Variants in PCDHAC1 observed in about 807,000 individuals in gnomAD.
The protein encoded by PCDHAC1 is protocadherin alpha subfamily C, 1, also known as protocadherin alpha-C1.
In PCDHAC1, 42 loss-of-function variants were observed where a neutral mutation model predicts 60.0. The observed-to-expected ratio is 0.70, with a 90% CI of 0.55 to 0.90. The LOEUF is 0.90. Among genes scored for constraint, PCDHAC1 ranks in the 40% least tolerant of loss-of-function variants. The pLI is 0.00. For missense variants in PCDHAC1, 1,160 were observed against 1,222.3 expected (o/e 0.95, Z 0.76); for synonymous variants, 468 against 499.3 (o/e 0.94, Z 0.84).
chr5:140,950,944 T>C (rs2094535037), intron 1 of PCDHAC1, among the ~76,000 whole-genome samples: 1 of 152,090 alleles, frequency 6.6e-6, no homozygotes, highest in Admixed American at 6.5e-5. Flanking sequence ...TCAGATTGGA[T>C]CATTTCTATT....
Position 140,928,889 on chromosome 5 carries a change from A to T in PCDHAC1, c.1997A>T (p.Asp666Val). The T allele has an allele frequency of 1.2e-6, 2 of 1,614,118 alleles. No individual in the cohort carries two copies. Among genetic ancestry groups the T allele is most frequent in the Non-Finnish European group, 1.7e-6 (2 of 1,180,026 alleles). Residue 666 changes from aspartate (D) to valine (V), a missense_variant, in exon 1 of 4, where the codon GAC becomes GTC. Around this residue, in one of 3 missense-constraint regions of PCDHAC1, gnomAD observed 1,113 missense variants for 1,163.7 expected, o/e 0.96. Coordinates refer to ENST00000253807, the MANE Select transcript of PCDHAC1 (RefSeq NM_018898.5). ...AACTCTGTCCCTCAGTTACTTCCAG[A>T]CTTTGAAGATGTCTGGGAACCAGGA... is the stretch of plus-strand genomic sequence containing the variant. The part of the protein sequence containing the change: ...LSNSVPQLLP[D>V]FEDVWEPGGQ...
chr5:140,939,798 C>A (rs2092461303), intron 1 of PCDHAC1, among the ~76,000 whole-genome samples: 1 of 152,138 alleles, frequency 6.6e-6, no homozygotes, highest in African/African-American at 2.4e-5. Flanking sequence ...TATAAATGTT[C>A]TGCATGTTCA....
intron 1 of PCDHAC1, among the ~76,000 whole-genome samples, chr5:140,956,166 C>T (rs180917985): frequency 7.2e-5 from 11 of 152,232 alleles, no homozygotes; most frequent in Non-Finnish European, 1.5e-4. Flanking sequence ...TTGCCATAGC[C>T]AGAACTTCCA....
Position 140,929,046 on chromosome 5 carries a change from C to T in PCDHAC1, c.2154C>T (p.Cys718=). The change falls in exon 1 of 4, where the codon TGC becomes TGT. Residue 718 remains cysteine, a synonymous_variant. Coordinates refer to ENST00000253807, the MANE Select transcript of PCDHAC1 (RefSeq NM_018898.5). ...GCCCAGGCTGTTGCGCTCAGAGCTG[C>T]TGTCGCTCTACAGAGGATCTGAGGT... ...HQSPGCCAQS[C]CRSTEDLRYG... 3 of 1,614,206 alleles carry T rather than the reference C, an allele frequency of 1.9e-6. No individual in the cohort carries two copies. Among genetic ancestry groups the T allele is most frequent in the Non-Finnish European group, 2.5e-6 (3 of 1,180,036 alleles).
chr5:140,978,820 T>C (rs2096824926), intron 1 of PCDHAC1, 129 bp from the exon 2 acceptor site: 1 of 1,517,496 alleles, frequency 6.6e-7, no homozygotes, highest in East Asian at 2.4e-5. Context: ...GAGTTACACA[T>C]GAAATGGCTC....
At chr5:140,929,530 G>A in intron 1 of PCDHAC1, 1 of 636,248 alleles carries the variant, frequency 1.6e-6, no homozygotes, top group Non-Finnish European at 2.3e-6. Flanking sequence ...GTTTATTTTT[G>A]AGAAACAAGG....
At chr5:140,997,978 C>T (rs1205743045) in intron 3 of PCDHAC1, among the ~76,000 whole-genome samples, 2 of 152,182 alleles carry the variant, frequency 1.3e-5, no homozygotes, top group African/African-American at 2.4e-5. Context: ...TTGGACTGCA[C>T]TTGTTACATA....
intron 2 of PCDHAC1, 36 bp downstream of exon 2, chr5:140,979,043 C>G: frequency 6.2e-7 from 1 of 1,612,500 alleles, no homozygotes. Context: ...CAGAAGTAAC[C>G]TTAACTTGGT....
chr5:140,946,271 A>G (rs2093916351), intron 1 of PCDHAC1, among the ~76,000 whole-genome samples: 1 of 152,058 alleles, frequency 6.6e-6, no homozygotes, highest in Non-Finnish European at 1.5e-5. Context: ...GCGAATTAAA[A>G]CCCCAATGAG....
intron 1 of PCDHAC1, among the ~76,000 whole-genome samples, chr5:140,957,285 G>A (rs1036077483): frequency 2.0e-5 from 3 of 152,144 alleles, no homozygotes; most frequent in Non-Finnish European, 4.4e-5. Context: ...CTTACCTGCA[G>A]TTTCACTCTG....
rs2098422979 is a variant in PCDHAC1, at chr5:141,012,116, T to C, written c.*2179T>C. The C allele has an allele frequency of 6.5e-6, 1 of 153,756 alleles. No individual in the cohort carries two copies. Among genetic ancestry groups the C allele is most frequent in the African/African-American group, 2.4e-5 (1 of 41,464 alleles). The allele number at this position is 153,756 out of a possible 1,614,324, so 9.5% of individuals were successfully genotyped here. ...GATCATTTTGCCCCACTGAAGCCCA[T>C]GTATCTGACCTTACGTGCCTTTTGA... On this transcript the variant is annotated 3_prime_UTR_variant, in exon 4 of 4. Coordinates refer to ENST00000253807, the MANE Select transcript of PCDHAC1 (RefSeq NM_018898.5).
At chr5:140,994,485 C>T (rs573689251) in intron 3 of PCDHAC1, among the ~76,000 whole-genome samples, 2 of 152,146 alleles carry the variant, frequency 1.3e-5, no homozygotes, top group South Asian at 2.1e-4. Flanking sequence ...GGTGGATTGC[C>T]TGAACCCAGG....
chr5:140,952,338 C>CAAAAAAAA (rs55931446), intron 1 of PCDHAC1, among the ~76,000 whole-genome samples: 1 of 135,028 alleles, frequency 7.4e-6, no homozygotes. Context: ...AACTCCATCT[C>CAAAAAAAA]AAAAAAAAAA....
chr5:140,938,293 C>G (rs896897734), intron 1 of PCDHAC1, among the ~76,000 whole-genome samples: 1 of 152,110 alleles, frequency 6.6e-6, no homozygotes, highest in African/African-American at 2.4e-5. Flanking sequence ...CTGTCATTGC[C>G]TATGAAATTC....
rs782577579 is a variant in PCDHAC1, at chr5:140,978,981, T to G, written c.2466T>G (p.Ser822=). The G allele has an allele frequency of 1.4e-5, 22 of 1,614,096 alleles. No individual in the cohort carries two copies. Among genetic ancestry groups the G allele is most frequent in the Non-Finnish European group, 1.8e-5 (21 of 1,180,040 alleles). The change falls in exon 2 of 4, where the codon TCT becomes TCG. Residue 822 remains serine (S), a synonymous_variant. Transcript: ENST00000253807. ...PRQPNPDWRY[S]ASLRAGMHSS... ...AGCCCAACCCTGACTGGCGTTACTC[T>G]GCCTCCCTGAGAGCAGGCATGCACA... is the stretch of plus-strand genomic sequence containing the variant.
rs782475238 is a variant in PCDHAC1 at position 140,927,720 on chromosome 5, G to C, written c.828G>C (p.Thr276=). 8 of 1,614,056 alleles carry C rather than the reference G, an allele frequency of 5.0e-6. No homozygotes were observed. Among genetic ancestry groups the C allele is most frequent in the Non-Finnish European group, 6.8e-6 (8 of 1,180,032 alleles). ...GEVQYSLSNS[T]QAELRHRFHV... is the part of the protein sequence containing the mutation. ...TCCAGTACTCCCTAAGCAACAGCAC[G>C]CAAGCAGAGCTGCGACACCGCTTTC... Residue 276 remains threonine, a synonymous_variant, in exon 1 of 4, where the codon ACG becomes ACC. Coordinates refer to ENST00000253807, the MANE Select transcript of PCDHAC1 (RefSeq NM_018898.5).
chr5:140,938,908 C>A (rs1213664574), intron 1 of PCDHAC1, among the ~76,000 whole-genome samples: 1 of 152,074 alleles, frequency 6.6e-6, no homozygotes, highest in Non-Finnish European at 1.5e-5. Flanking sequence ...CACACACACA[C>A]ACGCACAAGA....
At chr5:141,004,186 C>T (rs1554259505) in intron 3 of PCDHAC1, among the ~76,000 whole-genome samples, 1 of 152,240 alleles carries the variant, frequency 6.6e-6, no homozygotes, top group Non-Finnish European at 1.5e-5. Flanking sequence ...CTTGAGTGCT[C>T]TTAACCAAAA....
Position 140,928,166 on chromosome 5 carries a change from T to G in PCDHAC1, c.1274T>G (p.Leu425Arg). The G allele has an allele frequency of 6.2e-7, 1 of 1,614,142 alleles. No homozygotes were observed. The highest frequency in any genetic ancestry group is 1.1e-5 in the South Asian group (1 of 91,084). ...GCCTCAGATAGTGGCTCACCCCCAC[T>G]TAGCACCCGAAGGACAATCACTGTG... Reference protein sequence around the residue: ...ITASDSGSPPLSTRRTITVSV... With the variant: ...ITASDSGSPPRSTRRTITVSV... The change falls in exon 1 of 4, where the codon CTT becomes CGT. Residue 425 changes from leucine to arginine, a missense_variant. Leu to Arg is a moderately radical substitution (Grantham distance 102, BLOSUM62 -2). Transcript: ENST00000253807.
Sources: gnomAD v4.1 joint callset for allele counts (sites outside exome capture counted in the v4.1 genomes callset) on GRCh38, gnomAD v4.1.1 for gene constraint, gnomAD v4.1.1 regional missense constraint, MANE v1.5 for transcripts, NCBI Gene and HGNC (gene_info 2026-07-23, HGNC 2026-07-21) for gene names.